The following ARHGEF4 variants were observed in gnomAD, a reference collection of about 807,000 sequenced individuals.
ARHGEF4 encodes the protein Rho guanine nucleotide exchange factor 4.
ARHGEF4 carries 119 observed loss-of-function variants against 162.0 expected under a neutral mutation model. That is an observed-to-expected ratio of 0.73 (90% CI 0.63 to 0.86). ARHGEF4 has a LOEUF of 0.86. Ranked by LOEUF, ARHGEF4 falls within the 40% of genes least tolerant of loss-of-function variation. ARHGEF4 has a pLI of 0.00. For synonymous variants in ARHGEF4, 1,014 were observed against 979.9 expected (o/e 1.03, Z -0.65); for missense variants, 2,488 against 2,456.0 (o/e 1.01, Z -0.28).
At chr2:131,013,259 A>G (rs1688583666) in intron 4 of ARHGEF4, among the ~76,000 whole-genome samples, 1 of 152,196 alleles carries the variant, frequency 6.6e-6, no homozygotes. Context: ...AGGTGTAATT[A>G]TCTATTAGGC....
intron 1 of ARHGEF4, among the ~76,000 whole-genome samples, chr2:130,861,221 A>G (rs1442883424): frequency 2.8e-5 from 1 of 36,014 alleles, no homozygotes; most frequent in Non-Finnish European, 4.4e-5. Context: ...CTTAAAAAGA[A>G]AAACAAGATC....
At chr2:131,025,152 C>T (rs897615403) in intron 4 of ARHGEF4, among the ~76,000 whole-genome samples, 2 of 152,162 alleles carry the variant, frequency 1.3e-5, no homozygotes, top group African/African-American at 4.8e-5. Flanking sequence ...GGACGCATGA[C>T]AGGGAGGCCT....
At chr2:131,040,224 A>AC in intron 7 of ARHGEF4, 32 bp downstream of exon 7, 1 of 1,608,924 alleles carries the variant, frequency 6.2e-7, no homozygotes, top group African/African-American at 1.3e-5. Context: ...GTGACTGGGG[A>AC]CCCGGTCGGG....
chr2:131,034,019 G>A (rs1690048759), intron 5 of ARHGEF4, among the ~76,000 whole-genome samples: 1 of 152,136 alleles, frequency 6.6e-6, no homozygotes, highest in South Asian at 2.1e-4. Flanking sequence ...CATCCACTCT[G>A]CTTTACAGTC....
chr2:130,988,889 T>G (rs1392520461), intron 4 of ARHGEF4, among the ~76,000 whole-genome samples: 119 of 116,450 alleles, frequency 1.0e-3, no homozygotes, highest in African/African-American at 2.9e-3. Context: ...TATATATATA[T>G]ATATATATAT....
intron 4 of ARHGEF4, among the ~76,000 whole-genome samples, chr2:131,027,176 A>G (rs1282131420): frequency 6.6e-6 from 1 of 152,194 alleles, no homozygotes; most frequent in Non-Finnish European, 1.5e-5. Flanking sequence ...AGTACAGCCA[A>G]CACACAAAAT....
At chr2:130,974,809 G>A (rs1380941862) in intron 4 of ARHGEF4, among the ~76,000 whole-genome samples, 6 of 152,026 alleles carry the variant, frequency 3.9e-5, no homozygotes, top group Admixed American at 3.9e-4. Context: ...TCAAGGGCAT[G>A]ACAAACTTAA....
At chr2:130,896,397 A>G (rs1226560944) in intron 1 of ARHGEF4, among the ~76,000 whole-genome samples, 3 of 152,212 alleles carry the variant, frequency 2.0e-5, no homozygotes, top group Admixed American at 6.5e-5. Context: ...TCTGGCAGCA[A>G]TGGCTCAGGG....
At position 130,958,705 on chromosome 2, in the gene ARHGEF4, C is replaced by T. The variant is rs145153653; in HGVS notation, c.3985+12070C>T. 6.2e-3 allele frequency among the ~76,000 whole-genome samples: 946 copies of T among 152,030 alleles called. 6 individuals carry two copies. The highest frequency in any genetic ancestry group is 0.01 in the Non-Finnish European group (686 of 67,988). On this transcript the variant is annotated intron_variant, in intron 4 of 13. Coordinates refer to ENST00000409359, the MANE Select transcript of ARHGEF4 (RefSeq NM_001367493.1). ...GATTACAGGCATGAGGCACCACTCCCGGCCTTGAATAGATGTTTCTTTATT... is the reference window on the plus strand; with the variant it reads ...GATTACAGGCATGAGGCACCACTCCTGGCCTTGAATAGATGTTTCTTTATT...
rs1243417374 is a variant in ARHGEF4, at chr2:131,035,667, C to A, written c.4126-3186C>A. On this transcript the variant is annotated intron_variant, in intron 5 of 13. Coordinates refer to ENST00000409359, the MANE Select transcript of ARHGEF4 (RefSeq NM_001367493.1). ...GTGTGTGGAAGACCCCCGGGCACCG[C>A]TGCGCATGTTACCTGCAGTTGTTTT... 1.1e-5 allele frequency: 11 copies of A among 988,042 alleles called. No individual in the cohort carries two copies. In the East Asian group the frequency reaches 1.0e-3, roughly 90 times the overall value. The allele number at this position is 988,042 out of a possible 1,614,324, so 61.2% of individuals were successfully genotyped here.
At chr2:130,838,621 A>G (rs958747601) in intron 1 of ARHGEF4, among the ~76,000 whole-genome samples, 1 of 151,918 alleles carries the variant, frequency 6.6e-6, no homozygotes, top group East Asian at 1.9e-4. Context: ...AAAGAAAAAG[A>G]AAAGAAGGAA....
chr2:131,000,850 A>G (rs1381307048), intron 4 of ARHGEF4, among the ~76,000 whole-genome samples: 3 of 152,240 alleles, frequency 2.0e-5, no homozygotes, highest in Admixed American at 6.5e-5. Flanking sequence ...TAAATTTGAT[A>G]ACATTAAAAT....
At chr2:130,999,407 T>C (rs141445128) in intron 4 of ARHGEF4, among the ~76,000 whole-genome samples, 9,997 of 152,044 alleles carry the variant, frequency 0.066, 350 homozygotes, top group Admixed American at 0.1. Flanking sequence ...CCGCCCGCCT[T>C]GGCCTCCCAA....
chr2:130,901,718 G>A (rs181664351), intron 1 of ARHGEF4, among the ~76,000 whole-genome samples: 2 of 152,034 alleles, frequency 1.3e-5, no homozygotes, highest in East Asian at 3.9e-4. Context: ...ATGGGGTTTC[G>A]CCATGTTGGC....
chr2:130,960,642 A>G (rs1315794523), intron 4 of ARHGEF4, among the ~76,000 whole-genome samples: 1 of 152,184 alleles, frequency 6.6e-6, no homozygotes, highest in Non-Finnish European at 1.5e-5. Context: ...CTACCATATG[A>G]TGGTAAAGGG....
At chr2:130,975,909 C>T (rs190444499) in intron 4 of ARHGEF4, among the ~76,000 whole-genome samples, 9 of 152,222 alleles carry the variant, frequency 5.9e-5, no homozygotes, top group East Asian at 3.9e-4. Context: ...AAAGGACGGG[C>T]GCTCAGGAGG....
At chr2:131,010,349 T>G (rs1573602795) in intron 4 of ARHGEF4, among the ~76,000 whole-genome samples, 1 of 152,220 alleles carries the variant, frequency 6.6e-6, no homozygotes, top group East Asian at 1.9e-4. Context: ...TCTGCCTGCT[T>G]TAGGTCATTC....
chr2:130,869,080 GACAC>G, intron 1 of ARHGEF4, among the ~76,000 whole-genome samples: 1 of 152,324 alleles, frequency 6.6e-6, no homozygotes, highest in East Asian at 1.9e-4. Flanking sequence ...TTGGGCTTAG[GACAC>G]AGACATCTTG....
At chr2:130,911,929 T>G (rs1247732185) in intron 1 of ARHGEF4, among the ~76,000 whole-genome samples, 2 of 152,332 alleles carry the variant, frequency 1.3e-5, no homozygotes, top group Non-Finnish European at 2.9e-5. Context: ...TGTCTGCTCA[T>G]GTAAGCAATG....
Sources: allele counts gnomAD v4.1 joint callset (sites outside exome capture counted in the v4.1 genomes callset), GRCh38; gene constraint gnomAD v4.1.1; transcripts MANE v1.5; gene names NCBI Gene and HGNC (gene_info 2026-07-23, HGNC 2026-07-21).